Variants in DDX60L observed in about 807,000 individuals in gnomAD.
DDX60L encodes the protein DExD/H-box 60 like.
Under a neutral mutation model 211.6 loss-of-function variants are expected in DDX60L, and 191 were observed. That is an observed-to-expected ratio of 0.90 (90% CI 0.80 to 1.02). DDX60L has a LOEUF of 1.02. Among genes scored for constraint, DDX60L ranks in the 50% least tolerant of loss-of-function variants. The pLI, the probability that DDX60L is intolerant of heterozygous loss-of-function variation, is 0.00. For missense variants in DDX60L, 2,007 were observed against 1,984.1 expected (o/e 1.01, Z -0.22); for synonymous variants, 706 against 694.1 (o/e 1.02, Z -0.27).
chr4:168,361,364 T>C (rs934798885), intron 36 of DDX60L, 153 bp from the exon 37 acceptor site: 1 of 527,340 alleles, frequency 1.9e-6, no homozygotes. Flanking sequence ...ATAATGAAAT[T>C]GAGAGGCATA....
intron 15 of DDX60L, among the ~76,000 whole-genome samples, chr4:168,423,216 A>T (rs1365284035): frequency 6.6e-6 from 1 of 152,092 alleles, no homozygotes; most frequent in Non-Finnish European, 1.5e-5. Context: ...TATTAACGTT[A>T]AAAAAAGTTC....
intron 28 of DDX60L, among the ~76,000 whole-genome samples, chr4:168,391,848 T>C (rs1196796025): frequency 2.0e-5 from 3 of 152,182 alleles, no homozygotes; most frequent in African/African-American, 7.2e-5. Context: ...ACTGTTGCCA[T>C]TTGCTCACCC....
chr4:168,461,964 T>C lies in DDX60L; in HGVS notation c.341A>G (p.Asn114Ser), dbSNP rs758060632. Residue 114 changes from asparagine to serine, a missense_variant, in exon 5 of 38, where the codon AAT (asparagine) becomes AGT (serine). Transcript: ENST00000682922. The stretch of plus-strand genomic sequence containing the variant: ...CTCCGTTTGCACATCAATGTTAGTA[T>C]TGTGTTGAAGGTGGAGAATTAAAGC... The part of the protein sequence containing the change: ...RTALILHLQH[N>S]TNIDVQTEFS... 6.2e-6 allele frequency: 10 copies of C among 1,613,486 alleles called. No homozygotes were observed. Among genetic ancestry groups the C allele is most frequent in the Admixed American group, 3.3e-5 (2 of 59,992 alleles).
intron 21 of DDX60L, 33 bp downstream of exon 21, chr4:168,415,624 A>C: frequency 6.8e-7 from 1 of 1,467,154 alleles, no homozygotes; most frequent in Non-Finnish European, 9.2e-7. Context: ...AAATATAAAA[A>C]TATATAGTAA....
At chr4:168,390,965 C>CT (rs555334646) in intron 29 of DDX60L, among the ~76,000 whole-genome samples, 93 of 142,672 alleles carry the variant, frequency 6.5e-4, no homozygotes, top group South Asian at 4.3e-3. Flanking sequence ...TAACAAAAAC[C>CT]TTTTTAAAAA....
chr4:168,424,518 TAAG>T (rs1751162917), intron 14 of DDX60L, among the ~76,000 whole-genome samples: 2 of 152,180 alleles, frequency 1.3e-5, no homozygotes, highest in South Asian at 4.1e-4. Flanking sequence ...AAATGAAATT[TAAG>T]ACAGAGTTCT....
At chr4:168,399,135 G>A (rs13147540) in intron 26 of DDX60L, among the ~76,000 whole-genome samples, 134,486 of 152,226 alleles carry the variant, frequency 0.88, 61,739 homozygotes, top group East Asian at 1. Context: ...TCCTGGATAC[G>A]GGACAAGAAC....
Position 168,379,391 on chromosome 4 carries a change from GA to G in DDX60L, c.4334del (p.Phe1445SerfsTer19). On this transcript the variant is annotated frameshift_variant, in exon 32 of 38. Transcript: ENST00000682922. LOFTEE classifies it high-confidence loss of function. ...TCCAGGCTGGCTTACAGAGATTATG[GA>G]AAAGGCCTCTCTTGAGAAAATTTAC... ...VFVNFLKRGL[F>X]HNLCKPAWKG... 2 of 1,596,738 alleles carry G rather than the reference GA, an allele frequency of 1.3e-6. No individual in the cohort carries two copies. Among genetic ancestry groups the G allele is most frequent in the Admixed American group, 1.8e-5 (1 of 55,770 alleles).
At chr4:168,453,335 C>T (rs2150063294) in intron 7 of DDX60L, 53 bp from the exon 8 acceptor site, 4 of 1,547,208 alleles carry the variant, frequency 2.6e-6, no homozygotes, top group South Asian at 2.5e-5. Context: ...TGTGAAATGG[C>T]ATTGAAATAG....
chr4:168,445,708 T>A (rs867498829), intron 9 of DDX60L, among the ~76,000 whole-genome samples: 8,026 of 151,216 alleles, frequency 0.053, 694 homozygotes, highest in African/African-American at 0.18. Flanking sequence ...ATCCCTGGGA[T>A]GCAAGGCTGG....
intron 5 of DDX60L, 67 bp downstream of exon 5, chr4:168,461,632 T>C (rs1248325696): frequency 2.7e-6 from 3 of 1,109,570 alleles, no homozygotes; most frequent in East Asian, 5.2e-5. Flanking sequence ...AGAAAGAATA[T>C]TGAGTTAGTG....
chr4:168,440,486 C>T (rs1753671046), intron 10 of DDX60L, among the ~76,000 whole-genome samples: 1 of 151,650 alleles, frequency 6.6e-6, no homozygotes, highest in South Asian at 2.1e-4. Flanking sequence ...CTTAACAGAG[C>T]CAGCAAGTAC....
At chr4:168,421,992 T>C in intron 16 of DDX60L, 83 bp from the exon 17 acceptor site, 1 of 1,562,184 alleles carries the variant, frequency 6.4e-7, no homozygotes, top group East Asian at 2.2e-5. Flanking sequence ...GTACCTTCTG[T>C]CTCCTGTGCC....
intron 22 of DDX60L, among the ~76,000 whole-genome samples, chr4:168,408,203 T>C (rs1748092199): frequency 6.6e-6 from 1 of 152,234 alleles, no homozygotes; most frequent in African/African-American, 2.4e-5. Flanking sequence ...ATAATAGTGA[T>C]TCATTTTCAA....
At chr4:168,364,991 A>C (rs1311135048) in intron 36 of DDX60L, among the ~76,000 whole-genome samples, 1 of 152,226 alleles carries the variant, frequency 6.6e-6, no homozygotes, top group Admixed American at 6.5e-5. Flanking sequence ...ATGAGAATGG[A>C]AACACATTAT....
chr4:168,423,733 T>C lies in DDX60L; in HGVS notation c.1972A>G (p.Lys658Glu). ...CTCTCCAGGAGTGAATGAATCCTTT[T>C]CATCATTTGAACAGCTATACTTAAA... Reference protein sequence around the residue: ...KDLSIAVQMMKRIHSLLERYP... With the variant: ...KDLSIAVQMMERIHSLLERYP... The change falls in exon 15 of 38, where the codon AAA becomes GAA. Residue 658 changes from lysine to glutamate, a missense_variant. Transcript: ENST00000682922. 6.2e-7 allele frequency: 1 copy of C among 1,604,220 alleles called. No individual in the cohort carries two copies. Among genetic ancestry groups the C allele is most frequent in the Middle Eastern group, 1.7e-4 (1 of 5,916 alleles).
chr4:168,435,856 AT>A, intron 10 of DDX60L, among the ~76,000 whole-genome samples: 1 of 152,176 alleles, frequency 6.6e-6, no homozygotes, highest in Non-Finnish European at 1.5e-5. Context: ...CCAATAGGAC[AT>A]TTGTATGTCA....
At position 168,386,191 on chromosome 4, in the gene DDX60L, G is replaced by A. The variant is rs539856535; in HGVS notation, c.3916-1379C>T. ...AAGCTCCAAACTAGAAGAGTCTGCC[G>A]GATGTTTCTTTCAAACGGCTGGAAG... On this transcript the variant is annotated intron_variant, in intron 29 of 37. Transcript: ENST00000682922. Among the ~76,000 whole-genome samples the A allele has an allele frequency of 3.0e-4, 46 of 152,158 alleles. No homozygotes were observed. The South Asian group carries it at 4.8e-3, about 16-fold the overall frequency.
intron 37 of DDX60L, among the ~76,000 whole-genome samples, chr4:168,359,380 C>A (rs1334623032): frequency 6.6e-6 from 1 of 152,156 alleles, no homozygotes; most frequent in Non-Finnish European, 1.5e-5. Flanking sequence ...GTTCTGAAGT[C>A]ATCATCATGT....
Sources: allele counts gnomAD v4.1 joint callset (sites outside exome capture counted in the v4.1 genomes callset), GRCh38; gene constraint gnomAD v4.1.1; transcripts MANE v1.5; gene names NCBI Gene and HGNC (gene_info 2026-07-23, HGNC 2026-07-21).